Variants in BDNF observed in about 807,000 individuals in gnomAD.
BDNF encodes the protein neurotrophic factor BDNF precursor form.
Under a neutral mutation model 19.5 loss-of-function variants are expected in BDNF, and 1 was observed. The ratio of observed to expected loss-of-function variants is 0.05; its 90% CI spans 0.02 to 0.24. The LOEUF (loss-of-function observed/expected upper bound fraction) is 0.24, where lower values mean the gene tolerates loss of function less well. Among genes scored for constraint, BDNF ranks in the 10% least tolerant of loss-of-function variants. BDNF has a pLI of 1.00. For missense variants in BDNF, 195 were observed against 317.6 expected (o/e 0.61, Z 2.93); for synonymous variants, 100 against 121.6 (o/e 0.82, Z 1.17).
chr11:27,658,071 G>A lies in BDNF; in HGVS notation c.494C>T (p.Thr165Ile), dbSNP rs1286344063. Reference protein sequence around the residue: ...TAVDMSGGTVTVLEKVPVSKG... With the variant: ...TAVDMSGGTVIVLEKVPVSKG... ...TGATACAGGGACCTTTTCAAGGACT[G>A]TGACCGTCCCGCCCGACATGTCCAC... is the stretch of plus-strand genomic sequence containing the variant. The change falls in exon 2 of 2, where the codon ACA becomes ATA. Residue 165 changes from threonine to isoleucine, a missense_variant. Transcript: ENST00000356660. The surrounding 1 kb of genome is among the most constrained non-coding windows in gnomAD (Gnocchi z 5.7). 2 of 1,614,030 alleles carry A rather than the reference G, an allele frequency of 1.2e-6. No individual in the cohort carries two copies. The highest frequency in any genetic ancestry group is 1.7e-6 in the Non-Finnish European group (2 of 1,180,038).
intron 1 of BDNF, among the ~76,000 whole-genome samples, chr11:27,712,311 G>A (rs10767665): frequency 0.49 from 73,712 of 151,894 alleles, 18,108 homozygotes; most frequent in Admixed American, 0.55. Context: ...TTCATATCAC[G>A]TCAGTTTTAT....
At chr11:27,671,890 G>T (rs1187584737) in intron 1 of BDNF, among the ~76,000 whole-genome samples, 2 of 152,042 alleles carry the variant, frequency 1.3e-5, no homozygotes, top group African/African-American at 4.8e-5. Context: ...AAGTTGAGAA[G>T]CACAGGACTA....
chr11:27,675,096 TG>T (rs933697581), intron 1 of BDNF: 5 of 197,690 alleles, frequency 2.5e-5, no homozygotes, highest in African/African-American at 1.2e-4. Flanking sequence ...TCTTTCCATA[TG>T]GGGTCAGACA....
At chr11:27,704,732 G>C (rs1564992811), upstream of BDNF, among the ~76,000 whole-genome samples, 1 of 152,180 alleles carries the variant, frequency 6.6e-6, no homozygotes. Context: ...GTTAAACTAT[G>C]TCACTCGCAA....
chr11:27,700,822 CCGGCTGTGGG>C, upstream of BDNF: 1 of 1,227,136 alleles, frequency 8.1e-7, no homozygotes, highest in South Asian at 1.4e-5. Context: ...TGCAGAAACC[CCGGCTGTGGG>C]CGCTGGGGCG....
intron 1 of BDNF, chr11:27,659,339 A>C: frequency 4.0e-6 from 4 of 1,000,382 alleles, no homozygotes; most frequent in Non-Finnish European, 4.8e-6. Flanking sequence ...GGGTGGTCAC[A>C]ACTGAAAATG....
chr11:27,669,554 C>G (rs917017479), intron 1 of BDNF, among the ~76,000 whole-genome samples: 7 of 152,184 alleles, frequency 4.6e-5, no homozygotes, highest in Non-Finnish European at 1.0e-4. Context: ...GCAACTTCAG[C>G]AAAGTCTCAG....
chr11:27,720,348 T>C lies in BDNF; in HGVS notation c.3+1064A>G, dbSNP rs1017389916. 3.0e-6 allele frequency: 3 copies of C among 985,708 alleles called. No individual in the cohort carries two copies. The African/African-American group carries it at 5.2e-5, about 17-fold the overall frequency. 61.1% of individuals were successfully genotyped at this position (985,708 alleles called of 1,614,324 possible). On this transcript the variant is annotated intron_variant, in intron 1 of 1. Transcript: ENST00000314915. ...GGGGTCCCCGCCCTGGTGCTTACCT[T>C]CTTTGCGGCTTACACCACCCCGGTG...
chr11:27,700,085 G>C (rs1161383683), intron 1 of BDNF, 79 bp downstream of exon 1: 13 of 980,836 alleles, frequency 1.3e-5, no homozygotes, highest in Non-Finnish European at 1.6e-5. Flanking sequence ...CACAACTTTG[G>C]GGTGGGGGAT....
intron 1 of BDNF, among the ~76,000 whole-genome samples, chr11:27,694,151 C>T (rs1858675394): frequency 6.6e-6 from 1 of 152,146 alleles, no homozygotes; most frequent in Non-Finnish European, 1.5e-5. Context: ...GGCATCTCCA[C>T]TGGCATTTAA....
At chr11:27,690,269 T>C (rs1466185200) in intron 1 of BDNF, among the ~76,000 whole-genome samples, 13 of 152,246 alleles carry the variant, frequency 8.5e-5, no homozygotes, top group South Asian at 4.1e-4. Flanking sequence ...AATACAACTC[T>C]CAATGCAAGT....
upstream of BDNF, chr11:27,701,001 G>C (rs1475238384): frequency 2.2e-6 from 3 of 1,361,830 alleles, no homozygotes; most frequent in South Asian, 3.5e-5. Flanking sequence ...TACGGAGCTT[G>C]CGAACGCGAG....
At chr11:27,689,558 A>G (rs1172013622) in intron 1 of BDNF, among the ~76,000 whole-genome samples, 1 of 152,200 alleles carries the variant, frequency 6.6e-6, no homozygotes, top group Non-Finnish European at 1.5e-5. Flanking sequence ...ACCAATGCCT[A>G]CTGGGGCACT....
intron 1 of BDNF, among the ~76,000 whole-genome samples, chr11:27,684,112 G>GTCCT (rs2133976064): frequency 6.6e-6 from 1 of 152,156 alleles, no homozygotes; most frequent in South Asian, 2.1e-4. Context: ...CTTTAAAGAG[G>GTCCT]TCCTTCACAT....
At chr11:27,666,574 G>A (rs1261226613) in intron 1 of BDNF, among the ~76,000 whole-genome samples, 1 of 152,148 alleles carries the variant, frequency 6.6e-6, no homozygotes, top group African/African-American at 2.4e-5. Context: ...GCATAGAGAA[G>A]ACCTTAAATG....
At chr11:27,715,979 G>GA (rs932491336) in intron 1 of BDNF, among the ~76,000 whole-genome samples, 7 of 151,814 alleles carry the variant, frequency 4.6e-5, no homozygotes, top group Non-Finnish European at 7.4e-5. Flanking sequence ...AAAGAAAGCA[G>GA]AAAAAAAATC....
intron 1 of BDNF, among the ~76,000 whole-genome samples, chr11:27,689,726 GT>G (rs1341678352): frequency 1.3e-5 from 2 of 152,056 alleles, no homozygotes; most frequent in African/African-American, 4.8e-5. Flanking sequence ...TTTACTTTAA[GT>G]TCCGGGATAC....
intron 1 of BDNF, among the ~76,000 whole-genome samples, chr11:27,720,949 ACCCC>A (rs924078787): frequency 1.7e-4 from 7 of 41,388 alleles, no homozygotes; most frequent in African/African-American, 2.9e-4. Flanking sequence ...CCCCAACCCC[ACCCC>A]CCATCTACAC....
Position 27,710,026 on chromosome 11 carries a change from T to C in BDNF, c.3+11386A>G, listed in dbSNP as rs186622438. ...TACCAGCCATCATATTACTTAGTTA[T>C]CTCTGACAAAGCTTTAGGTGGACTT... is the stretch of plus-strand genomic sequence containing the variant. On this transcript the variant is annotated intron_variant, in intron 1 of 1. Transcript: ENST00000314915. Among the ~76,000 whole-genome samples the C allele has an allele frequency of 3.3e-5, 5 of 152,348 alleles. No individual in the cohort carries two copies. The East Asian group carries it at 9.6e-4, about 29-fold the overall frequency.
Sources: gnomAD v4.1 joint callset for allele counts (sites outside exome capture counted in the v4.1 genomes callset) on GRCh38, gnomAD v4.1.1 for gene constraint, Gnocchi (gnomAD v3.1) non-coding constraint, MANE v1.5 for transcripts, NCBI Gene and HGNC (gene_info 2026-07-23, HGNC 2026-07-21) for gene names.